The following GRIN2C variants were observed in gnomAD, a reference collection of about 807,000 sequenced individuals.
GRIN2C encodes glutamate receptor ionotropic, NMDA 2C.
A neutral mutation model predicts 77.7 loss-of-function variants in GRIN2C; 64 were observed. The ratio of observed to expected loss-of-function variants is 0.82; its 90% CI spans 0.67 to 1.01. GRIN2C has a LOEUF of 1.01. Ranked by LOEUF, GRIN2C falls within the 50% of genes least tolerant of loss-of-function variation. The pLI is 0.00. For missense variants in GRIN2C, 1,549 were observed against 1,486.0 expected (o/e 1.04, Z -0.70); for synonymous variants, 792 against 643.4 (o/e 1.23, Z -3.49).
rs1315958822 is a variant in GRIN2C at position 74,842,669 on chromosome 17, G to C, written c.3468C>G (p.His1156Gln). The change falls in exon 13 of 13, where the codon CAC (histidine) becomes CAG (glutamine). Residue 1156 changes from histidine to glutamine, a missense_variant. By Grantham distance (24) the His-to-Gln change is conservative. Transcript: ENST00000293190. ...RQHVCLHAHA[H>Q]LPFCWGAVCP... ...AGACAGCCCCCCAGCAAAATGGCAG[G>C]TGGGCGTGGGCGTGCAGGCAGACGT... The C allele has an allele frequency of 9.5e-6, 7 of 735,596 alleles. No individual in the cohort carries two copies. Among genetic ancestry groups the C allele is most frequent in the Non-Finnish European group, 1.8e-5 (7 of 395,576 alleles). 45.6% of individuals were successfully genotyped at this position (735,596 alleles called of 1,614,324 possible).
At position 74,852,257 on chromosome 17, in the gene GRIN2C, A is replaced by C. The variant is rs2037671892; in HGVS notation, c.754T>G (p.Trp252Gly). Residue 252 changes from tryptophan to glycine, a missense_variant, in exon 3 of 13, where the codon TGG becomes GGG. Physicochemically the swap from Trp to Gly is radical, Grantham distance 184. Coordinates refer to ENST00000293190, the MANE Select transcript of GRIN2C (RefSeq NM_000835.6). ...CCCAGCGCCAGGTTGGGCACCAGCC[A>C]CACGTGGCCGGGCCCCACCAGACCG... ...QAGLVGPGHV[W>G]LVPNLALGST... The C allele has an allele frequency of 7.1e-7, 1 of 1,399,820 alleles. No individual in the cohort carries two copies. 86.7% of individuals were successfully genotyped at this position (1,399,820 alleles called of 1,614,324 possible). A position where few individuals can be genotyped will look rare whatever the true frequency, so the allele number is the denominator to read the frequency against.
chr17:74,847,084 C>G lies in GRIN2C; in HGVS notation c.2002-164G>C. 1 of 799,790 alleles carries G rather than the reference C, an allele frequency of 1.3e-6. No homozygotes were observed. Among genetic ancestry groups the G allele is most frequent in the South Asian group, 1.8e-5 (1 of 55,574 alleles). The allele number at this position is 799,790 out of a possible 1,614,324, so 49.5% of individuals were successfully genotyped here. A position where few individuals can be genotyped will look rare whatever the true frequency, so the allele number is the denominator to read the frequency against. ...CTCCTGTGTTTTCCAAATGGAGACT[C>G]TGAGGCCCAAGACAGGGAGAGACTT... is the stretch of plus-strand genomic sequence containing the variant. On this transcript the variant is annotated intron_variant, in intron 9 of 12. Transcript: ENST00000293190. The surrounding 1 kb of genome is among the most constrained non-coding windows in gnomAD (Gnocchi z 5.2).
At chr17:74,860,340 G>A (rs2037923211), upstream of GRIN2C, 1 of 445,060 alleles carries the variant, frequency 2.2e-6, no homozygotes, top group African/African-American at 2.0e-5. Flanking sequence ...GCCACCATCC[G>A]AGGGCTGGGG....
rs1366750564 is a variant in GRIN2C at position 74,852,320 on chromosome 17, C to T, written c.691G>A (p.Glu231Lys). 2.3e-5 allele frequency: 34 copies of T among 1,453,106 alleles called. No individual in the cohort carries two copies. Among genetic ancestry groups the T allele is most frequent in the African/African-American group, 4.5e-5 (3 of 67,012 alleles). The allele number at this position is 1,453,106 out of a possible 1,614,324, so 90.0% of individuals were successfully genotyped here. A position where few individuals can be genotyped will look rare whatever the true frequency, so the allele number is the denominator to read the frequency against. The change falls in exon 3 of 13, where the codon GAG (glutamate) becomes AAG (lysine). Residue 231 changes from glutamate (E) to lysine (K), a missense_variant. By Grantham distance (56) the Glu-to-Lys change is moderately conservative. This residue lies in a region of GRIN2C where 382 missense variants were observed against 360.0 expected (regional missense o/e 1.06). Coordinates refer to ENST00000293190, the MANE Select transcript of GRIN2C (RefSeq NM_000835.6). Reference sequence around the variant, plus strand: ...TCGGCGAAGAGCACCTCGGCCTCCTCGCGCGAGCAGTAGGCCACAAACACG... The same window carrying T: ...TCGGCGAAGAGCACCTCGGCCTCCTTGCGCGAGCAGTAGGCCACAAACACG... ...APVFVAYCSR[E>K]EAEVLFAEAA...
At position 74,846,852 on chromosome 17, in the gene GRIN2C, C is replaced by G. The variant is rs1340174717; in HGVS notation, c.2070G>C (p.Arg690=). The change falls in exon 10 of 13, where the codon CGG becomes CGC. Residue 690 remains arginine, a synonymous_variant. Coordinates refer to ENST00000293190, the MANE Select transcript of GRIN2C (RefSeq NM_000835.6). The surrounding 1 kb of genome is among the most constrained non-coding windows in gnomAD (Gnocchi z 4.4). Reference sequence around the variant, plus strand: ...TGTCACGGTAGTTACTGCGGATGTTCCGCTCCGTGCTGCCGTTGGGCACCG... The same window carrying G: ...TGTCACGGTAGTTACTGCGGATGTTGCGCTCCGTGCTGCCGTTGGGCACCG... ...FGTVPNGSTE[R]NIRSNYRDMH... 6.2e-7 allele frequency: 1 copy of G among 1,614,148 alleles called. No individual in the cohort carries two copies. The highest frequency in any genetic ancestry group is 1.7e-5 in the Admixed American group (1 of 60,030).
Position 74,843,164 on chromosome 17 carries a change from G to A in GRIN2C, c.2973C>T (p.Val991=). Residue 991 remains valine, a synonymous_variant, in exon 13 of 13, where the codon GTC becomes GTT. Coordinates refer to ENST00000293190, the MANE Select transcript of GRIN2C (RefSeq NM_000835.6). The part of the protein sequence containing the change: ...PPTPGPPLSD[V]SRVSRRPAWE... Reference sequence around the variant, plus strand: ...AGGCTGGGCGGCGCGACACTCGGGAGACGTCGGACAGGGGCGGCCCCGGCG... The same window carrying A: ...AGGCTGGGCGGCGCGACACTCGGGAAACGTCGGACAGGGGCGGCCCCGGCG... 1 of 411,422 alleles carries A rather than the reference G, an allele frequency of 2.4e-6. No individual in the cohort carries two copies. Among genetic ancestry groups the A allele is most frequent in the Non-Finnish European group, 4.2e-6 (1 of 235,968 alleles). The allele number at this position is 411,422 out of a possible 1,614,324, so 25.5% of individuals were successfully genotyped here.
chr17:74,854,697 G>C lies in GRIN2C; in HGVS notation c.396C>G (p.Pro132=). The change falls in exon 2 of 13, where the codon CCC becomes CCG. Residue 132 remains proline (P), a synonymous_variant. Coordinates refer to ENST00000293190, the MANE Select transcript of GRIN2C (RefSeq NM_000835.6). The part of the protein sequence containing the change: ...ISGGSAVVLT[P]KEPGSAFLQL... ...GGACATGAGTTTGGACATGCACCTT[G>C]GGGGTGAGGACCACAGCAGAGCCTC... is the stretch of plus-strand genomic sequence containing the variant. The C allele has an allele frequency of 6.2e-7, 1 of 1,604,956 alleles. No individual in the cohort carries two copies. The highest frequency in any genetic ancestry group is 8.5e-7 in the Non-Finnish European group (1 of 1,172,622).
At position 74,847,791 on chromosome 17, in the gene GRIN2C, C is replaced by T; in HGVS notation, c.1771+61G>A. On this transcript the variant is annotated intron_variant, in intron 8 of 12. Transcript: ENST00000293190. This position sits in a 1 kb window ranked among gnomAD's most constrained non-coding sequence, Gnocchi z 5.2. Reference sequence around the variant, plus strand: ...GTATTCTCTGAAGGACCCGTTGCCCCTGAGCCCAGCCCTCAGGGTGCCCAG... The same window carrying T: ...GTATTCTCTGAAGGACCCGTTGCCCTTGAGCCCAGCCCTCAGGGTGCCCAG... The T allele has an allele frequency of 1.3e-6, 2 of 1,595,320 alleles. No homozygotes were observed. Among genetic ancestry groups the T allele is most frequent in the Non-Finnish European group, 1.7e-6 (2 of 1,165,424 alleles).
Position 74,843,021 on chromosome 17 carries a change from C to T in GRIN2C, c.3116G>A (p.Gly1039Asp). 2 of 491,438 alleles carry T rather than the reference C, an allele frequency of 4.1e-6. No homozygotes were observed. The allele number at this position is 491,438 out of a possible 1,614,324, so 30.4% of individuals were successfully genotyped here. A position where few individuals can be genotyped will look rare whatever the true frequency, so the allele number is the denominator to read the frequency against. ...YSSFPRADRS[G>D]RPFLPLFPEL... ...CGGGAAGAGCGGGAGGAAGGGGCGG[C>T]CGGATCGGTCGGCTCGAGGAAAGGA... Residue 1039 changes from glycine to aspartate, a missense_variant, in exon 13 of 13, where the codon GGC (glycine) becomes GAC (aspartate). Coordinates refer to ENST00000293190, the MANE Select transcript of GRIN2C (RefSeq NM_000835.6).
In GRIN2C at chr17:74,854,789, C is replaced by T. The variant is rs775334108; in HGVS notation, c.304G>A (p.Glu102Lys). 6.8e-6 allele frequency: 11 copies of T among 1,613,738 alleles called. No homozygotes were observed. Among genetic ancestry groups the T allele is most frequent in the Admixed American group, 3.3e-5 (2 of 60,002 alleles). Residue 102 changes from glutamate (E) to lysine (K), a missense_variant, in exon 2 of 13, where the codon GAG (glutamate) becomes AAG (lysine). Around this residue, in one of 3 missense-constraint regions of GRIN2C, gnomAD observed 382 missense variants for 360.0 expected, o/e 1.06. Coordinates refer to ENST00000293190, the MANE Select transcript of GRIN2C (RefSeq NM_000835.6). ...AAGTCAAGGATCTGGGCCACCGCCT[C>T]GGTGTCCACGTTGTCCTCAAAGACA... is the stretch of plus-strand genomic sequence containing the variant. ...GIVFEDNVDTEAVAQILDFIS... is the reference protein window; with the variant it reads ...GIVFEDNVDTKAVAQILDFIS...
At chr17:74,856,192 C>A (rs1040959093) in intron 1 of GRIN2C, among the ~76,000 whole-genome samples, 2 of 152,214 alleles carry the variant, frequency 1.3e-5, no homozygotes, top group African/African-American at 4.8e-5. Flanking sequence ...AGCTGGCCAT[C>A]GGCCATGGCA....
At chr17:74,855,747 T>C (rs1462954670) in intron 1 of GRIN2C, among the ~76,000 whole-genome samples, 2 of 151,262 alleles carry the variant, frequency 1.3e-5, no homozygotes, top group African/African-American at 2.4e-5. Flanking sequence ...TCCATCTGTC[T>C]CTCACCAGGG....
chr17:74,844,122 C>G (rs1390984883), intron 12 of GRIN2C, 154 bp downstream of exon 12: 3 of 1,410,168 alleles, frequency 2.1e-6, no homozygotes, highest in Middle Eastern at 2.6e-4. Context: ...GATCCACTGG[C>G]CTAAGCCTCT....
intron 4 of GRIN2C, chr17:74,851,026 C>T (rs1168001412): frequency 9.0e-6 from 5 of 556,808 alleles, no homozygotes; most frequent in Admixed American, 3.1e-5. Context: ...TTTGACAGAA[C>T]GTCCTTAGCT....
intron 2 of GRIN2C, chr17:74,854,214 G>C (rs8081440): frequency 0.046 from 7,175 of 154,762 alleles, 526 homozygotes; most frequent in African/African-American, 0.16. Context: ...TGTCCTAGTT[G>C]TAACTGCTGA....
At chr17:74,848,041 T>C (rs2037519735) in intron 7 of GRIN2C, 64 bp from the exon 8 acceptor site, 2 of 1,589,958 alleles carry the variant, frequency 1.3e-6, no homozygotes, top group African/African-American at 1.3e-5. Flanking sequence ...CCAGAAGCAC[T>C]GGGTGGAGAC....
Position 74,847,643 on chromosome 17 carries a change from G to T in GRIN2C, c.1772-106C>A, listed in dbSNP as rs143231777. The T allele has an allele frequency of 3.7e-5, 35 of 939,280 alleles. No individual in the cohort carries two copies. The highest frequency in any genetic ancestry group is 2.6e-4 in the East Asian group (10 of 38,156). 58.2% of individuals were successfully genotyped at this position (939,280 alleles called of 1,614,324 possible). ...CAGCTCCGGTCTCAGCCTGGCCTTG[G>T]GGGGGACGCGTCCTGGCCATTCCCT... On this transcript the variant is annotated intron_variant, in intron 8 of 12. Transcript: ENST00000293190. This position sits in a 1 kb window ranked among gnomAD's most constrained non-coding sequence, Gnocchi z 5.2.
rs960249467 is a variant in GRIN2C, at chr17:74,859,577, C to T, written c.-16+167G>A. On this transcript the variant is annotated intron_variant, in intron 1 of 12. Coordinates refer to ENST00000293190, the MANE Select transcript of GRIN2C (RefSeq NM_000835.6). The surrounding 1 kb of genome is among the most constrained non-coding windows in gnomAD (Gnocchi z 5.9). The stretch of plus-strand genomic sequence containing the variant: ...CCCTCCCTTTTGCCCAGCCAAAACC[C>T]GAACCCAGGCGCCAGGGGAGAGGAC... 6.6e-6 allele frequency among the ~76,000 whole-genome samples: 1 copy of T among 151,942 alleles called. No individual in the cohort carries two copies. The highest frequency in any genetic ancestry group is 6.6e-5 in the Admixed American group (1 of 15,264).
chr17:74,852,321 G>A lies in GRIN2C; in HGVS notation c.690C>T (p.Arg230=), dbSNP rs114825783. 1.7e-3 allele frequency: 2,531 copies of A among 1,453,398 alleles called. 28 individuals are homozygous for A. The African/African-American group carries it at 0.033, about 19-fold the overall frequency. 90.0% of individuals were successfully genotyped at this position (1,453,398 alleles called of 1,614,324 possible). The change falls in exon 3 of 13, where the codon CGC becomes CGT. Residue 230 remains arginine, a synonymous_variant. Transcript: ENST00000293190. ...CGGCGAAGAGCACCTCGGCCTCCTC[G>A]CGCGAGCAGTAGGCCACAAACACGG... ...DAPVFVAYCS[R]EEAEVLFAEA...
Sources: allele counts gnomAD v4.1 joint callset (sites outside exome capture counted in the v4.1 genomes callset), GRCh38; gene constraint gnomAD v4.1.1; regional missense constraint gnomAD v4.1.1; non-coding constraint Gnocchi (gnomAD v3.1); transcripts MANE v1.5; gene names NCBI Gene and HGNC (gene_info 2026-07-23, HGNC 2026-07-21).